Variants in GALNT13 observed in about 807,000 individuals in gnomAD.
GALNT13 encodes the protein UDP-GalNAc:polypeptide N-acetylgalactosaminyltransferase 13.
GALNT13 carries 28 observed loss-of-function variants against 64.2 expected under a neutral mutation model. That is an observed-to-expected ratio of 0.44 (90% CI 0.32 to 0.60). The LOEUF (loss-of-function observed/expected upper bound fraction) is 0.60. GALNT13 is among the 20% of genes least tolerant of loss of function. The pLI is 0.05. For synonymous variants in GALNT13, 214 were observed against 224.6 expected (o/e 0.95, Z 0.42); for missense variants, 577 against 669.8 (o/e 0.86, Z 1.53).
the GALNT13 span, among the ~76,000 whole-genome samples, chr2:153,351,152 G>A: frequency 6.6e-6 from 1 of 152,120 alleles, no homozygotes; most frequent in Non-Finnish European, 1.5e-5. Context: ...ATTTAAAATG[G>A]TTAGTTGGTG....
chr2:153,785,346 G>A, the GALNT13 span, among the ~76,000 whole-genome samples: 2 of 151,730 alleles, frequency 1.3e-5, no homozygotes, highest in East Asian at 3.9e-4. Context: ...ACAGGTTTGT[G>A]CCTCCCTGGA....
the GALNT13 span, among the ~76,000 whole-genome samples, chr2:153,721,416 T>G: frequency 1.4e-5 from 2 of 140,126 alleles, no homozygotes; most frequent in East Asian, 4.2e-4. Flanking sequence ...ACGAGCAAAA[T>G]CACCAGCTAA....
At chr2:153,969,782 T>A (rs952393003) in intron 3 of GALNT13, among the ~76,000 whole-genome samples, 1 of 152,174 alleles carries the variant, frequency 6.6e-6, no homozygotes, top group African/African-American at 2.4e-5. Flanking sequence ...CCACATAGTA[T>A]AGTTCTATGT....
intron 6 of GALNT13, among the ~76,000 whole-genome samples, chr2:154,245,570 A>G (rs1010826151): frequency 6.6e-6 from 1 of 152,180 alleles, no homozygotes; most frequent in Non-Finnish European, 1.5e-5. Context: ...TTGCTAAGTT[A>G]GTACTTAGAA....
At chr2:153,638,205 T>G in the GALNT13 span, among the ~76,000 whole-genome samples, 1 of 152,106 alleles carries the variant, frequency 6.6e-6, no homozygotes, top group African/African-American at 2.4e-5. Context: ...GGCAGATCAT[T>G]TGGCATCTTA....
At chr2:154,212,833 G>GTT (rs202101959) in intron 4 of GALNT13, among the ~76,000 whole-genome samples, 1 of 144,868 alleles carries the variant, frequency 6.9e-6, no homozygotes. Flanking sequence ...TTAATACAAT[G>GTT]TTTTTTTTTT....
the GALNT13 span, among the ~76,000 whole-genome samples, chr2:153,501,118 T>C: frequency 6.6e-6 from 1 of 151,952 alleles, no homozygotes; most frequent in Admixed American, 6.6e-5. Flanking sequence ...CTATCAAATA[T>C]ATTAAAGGTT....
At chr2:154,307,065 A>G (rs1014390545) in intron 9 of GALNT13, among the ~76,000 whole-genome samples, 6 of 151,958 alleles carry the variant, frequency 3.9e-5, no homozygotes, top group African/African-American at 9.7e-5. Flanking sequence ...ATGAACAAGG[A>G]CAGTTTGGAG....
the GALNT13 span, among the ~76,000 whole-genome samples, chr2:153,162,221 T>C: frequency 6.6e-6 from 1 of 152,194 alleles, no homozygotes; most frequent in South Asian, 2.1e-4. Context: ...CAAAGAGCCA[T>C]TTCTTGGTAC....
chr2:154,422,549 A>C (rs1700299175), intron 11 of GALNT13, among the ~76,000 whole-genome samples: 1 of 152,202 alleles, frequency 6.6e-6, no homozygotes, highest in Non-Finnish European at 1.5e-5. Context: ...TCTTCTAATG[A>C]AAACCTACCA....
intron 2 of GALNT13, among the ~76,000 whole-genome samples, chr2:153,914,139 G>A (rs1157874578): frequency 6.6e-6 from 1 of 152,080 alleles, no homozygotes; most frequent in Non-Finnish European, 1.5e-5. Context: ...TGTATTTTCT[G>A]TGTCTTATTG....
chr2:154,020,590 C>A (rs1469904268), intron 3 of GALNT13, among the ~76,000 whole-genome samples: 2 of 151,950 alleles, frequency 1.3e-5, no homozygotes, highest in African/African-American at 2.4e-5. Flanking sequence ...ATTGTAGATT[C>A]TGGATATCAG....
intron 4 of GALNT13, among the ~76,000 whole-genome samples, chr2:154,146,136 GTA>G (rs145289172): frequency 0.19 from 28,408 of 148,008 alleles, 3,288 homozygotes; most frequent in Non-Finnish European, 0.26. Context: ...GTGTGTGTGT[GTA>G]TATATATATA....
intron 1 of GALNT13, among the ~76,000 whole-genome samples, chr2:153,890,571 T>C (rs192738789): frequency 2.0e-5 from 3 of 152,182 alleles, no homozygotes; most frequent in East Asian, 1.9e-4. Context: ...TTATTAGAAA[T>C]GGTATGAGTT....
intron 11 of GALNT13, among the ~76,000 whole-genome samples, chr2:154,419,167 T>C (rs941399933): frequency 6.6e-6 from 1 of 152,144 alleles, no homozygotes; most frequent in Non-Finnish European, 1.5e-5. Context: ...AAGTAACATT[T>C]TCCTAATTCA....
chr2:153,368,922 C>CAA, the GALNT13 span, among the ~76,000 whole-genome samples: 6 of 126,708 alleles, frequency 4.7e-5, no homozygotes, highest in African/African-American at 1.7e-4. Context: ...ATGTATTAAG[C>CAA]AAAAAAAAAA....
At chr2:153,355,054 A>G in the GALNT13 span, among the ~76,000 whole-genome samples, 9 of 152,226 alleles carry the variant, frequency 5.9e-5, no homozygotes, top group Non-Finnish European at 1.2e-4. Context: ...CATTCTCTAG[A>G]GAAGAATAAA....
In GALNT13 at chr2:154,377,269, G is replaced by T. The variant is rs79010430; in HGVS notation, c.1157-18722G>T. On this transcript the variant is annotated intron_variant, in intron 9 of 12. Transcript: ENST00000392825. ...CATTCAGTGATATCTTTTCTGGGTT[G>T]TCTGGGTTCTGTTCATTGTCTTTTT... 4.8e-3 allele frequency among the ~76,000 whole-genome samples: 651 copies of T among 136,342 alleles called. 4 individuals carry two copies. Among genetic ancestry groups the T allele is most frequent in the African/African-American group, 0.016 (610 of 38,352 alleles). The allele number at this position is 136,342 out of a possible 152,430, so 89.4% of individuals were successfully genotyped here.
intron 4 of GALNT13, among the ~76,000 whole-genome samples, chr2:154,219,138 T>C (rs1290789432): frequency 6.6e-6 from 1 of 152,118 alleles, no homozygotes; most frequent in Non-Finnish European, 1.5e-5. Flanking sequence ...TCCTAGCCTA[T>C]TTTAATAATG....
Sources: allele counts gnomAD v4.1 joint callset (sites outside exome capture counted in the v4.1 genomes callset), GRCh38; gene constraint gnomAD v4.1.1; transcripts MANE v1.5; gene names NCBI Gene and HGNC (gene_info 2026-07-23, HGNC 2026-07-21).